ELOVL7: variants seen among roughly 807,000 people sequenced by gnomAD.
The protein encoded by ELOVL7 is very long chain fatty acid elongase 7.
ELOVL7 carries 27 observed loss-of-function variants against 35.7 expected under a neutral mutation model. The ratio of observed to expected loss-of-function variants is 0.76; its 90% CI spans 0.56 to 1.04. The LOEUF (loss-of-function observed/expected upper bound fraction) is 1.04, where lower values mean the gene tolerates loss of function less well. ELOVL7 is among the 50% of genes least tolerant of loss of function. The pLI is 0.00. For synonymous variants in ELOVL7, 113 were observed against 114.6 expected (o/e 0.99, Z 0.09); for missense variants, 327 against 340.8 (o/e 0.96, Z 0.32).
At chr5:60,795,482 T>C (rs1744196361) in intron 2 of ELOVL7, among the ~76,000 whole-genome samples, 1 of 152,178 alleles carries the variant, frequency 6.6e-6, no homozygotes, top group Admixed American at 6.5e-5. Flanking sequence ...ACCCCAGGCA[T>C]TCCAGCAGGG....
intron 1 of ELOVL7, among the ~76,000 whole-genome samples, chr5:60,829,782 G>T (rs1746375174): frequency 6.6e-6 from 1 of 152,158 alleles, no homozygotes; most frequent in East Asian, 1.9e-4. Context: ...GGTATTTCTG[G>T]AAATGTGACA....
intron 8 of ELOVL7, among the ~76,000 whole-genome samples, chr5:60,755,532 C>T (rs1741489759): frequency 2.6e-5 from 4 of 152,142 alleles, no homozygotes; most frequent in Admixed American, 2.0e-4. Context: ...TGGTACGCGC[C>T]TGTAGTCCCA....
intron 1 of ELOVL7, among the ~76,000 whole-genome samples, chr5:60,805,974 T>C (rs535933858): frequency 6.6e-6 from 1 of 152,330 alleles, no homozygotes; most frequent in Non-Finnish European, 1.5e-5. Flanking sequence ...TATGTTAAAG[T>C]CCTAACCTCC....
intron 4 of ELOVL7, among the ~76,000 whole-genome samples, chr5:60,770,996 G>A (rs1742550982): frequency 6.6e-6 from 1 of 152,204 alleles, no homozygotes; most frequent in African/African-American, 2.4e-5. Flanking sequence ...CACCACACCT[G>A]GCCAGCCACA....
chr5:60,797,868 A>G (rs1283354437), intron 2 of ELOVL7, among the ~76,000 whole-genome samples: 1 of 152,228 alleles, frequency 6.6e-6, no homozygotes, highest in African/African-American at 2.4e-5. Flanking sequence ...CCTGCCCCCA[A>G]TTCTTTTCAA....
chr5:60,796,358 G>C (rs1744262223), intron 2 of ELOVL7, among the ~76,000 whole-genome samples: 1 of 152,194 alleles, frequency 6.6e-6, no homozygotes, highest in South Asian at 2.1e-4. Context: ...TTTAAAGCAG[G>C]ATTTCTCAAC....
At chr5:60,820,300 A>G (rs1207135694) in intron 1 of ELOVL7, among the ~76,000 whole-genome samples, 1 of 152,266 alleles carries the variant, frequency 6.6e-6, no homozygotes, top group African/African-American at 2.4e-5. Context: ...GGCCTTGTGA[A>G]ACACAGAGCA....
intron 2 of ELOVL7, among the ~76,000 whole-genome samples, chr5:60,789,099 A>C (rs1054970746): frequency 6.6e-6 from 1 of 152,250 alleles, no homozygotes; most frequent in Admixed American, 6.5e-5. Flanking sequence ...ACTAGATGAC[A>C]TAGTAGAAGA....
intron 1 of ELOVL7, among the ~76,000 whole-genome samples, chr5:60,812,171 G>T (rs532001039): frequency 6.6e-6 from 1 of 152,282 alleles, no homozygotes; most frequent in Admixed American, 6.5e-5. Flanking sequence ...AGTGAGCAAT[G>T]ATTGTGCCAC....
At chr5:60,784,353 C>T (rs191362078) in intron 3 of ELOVL7, 18 of 424,580 alleles carry the variant, frequency 4.2e-5, no homozygotes, top group East Asian at 3.5e-4. Flanking sequence ...TCTAATCAAA[C>T]GCAAGGAAAG....
At chr5:60,817,848 G>GTATA (rs763735182) in intron 1 of ELOVL7, among the ~76,000 whole-genome samples, 1 of 143,212 alleles carries the variant, frequency 7.0e-6, no homozygotes, top group Admixed American at 6.9e-5. Flanking sequence ...GTGTGTGTGT[G>GTATA]TATATATATA....
At chr5:60,805,397 G>T (rs555687745) in intron 1 of ELOVL7, among the ~76,000 whole-genome samples, 1 of 152,292 alleles carries the variant, frequency 6.6e-6, no homozygotes, top group East Asian at 1.9e-4. Context: ...GACAGGAAAG[G>T]TAGATTACAG....
chr5:60,786,200 T>G (rs1743573634), intron 3 of ELOVL7: 1 of 152,240 alleles, frequency 6.6e-6, no homozygotes. Context: ...TTTCTTCAAC[T>G]GTAAAATGAG....
In ELOVL7 at chr5:60,754,537, AT is replaced by A; in HGVS notation, c.*86del. 1 of 1,219,824 alleles carries A rather than the reference AT, an allele frequency of 8.2e-7. No homozygotes were observed. The highest frequency in any genetic ancestry group is 1.2e-6 in the Non-Finnish European group (1 of 861,688). 75.6% of individuals were successfully genotyped at this position (1,219,824 alleles called of 1,614,324 possible). A position where few individuals can be genotyped will look rare whatever the true frequency, so the allele number is the denominator to read the frequency against. On this transcript the variant is annotated 3_prime_UTR_variant, in exon 9 of 9. Transcript: ENST00000508821. The stretch of plus-strand genomic sequence containing the variant: ...AAATACAAGCTCTTAGTTTTGAAAA[AT>A]ATACAAAATGCACTGCATAGGTAAA...
At chr5:60,825,985 G>C (rs528022389) in intron 1 of ELOVL7, among the ~76,000 whole-genome samples, 13 of 152,364 alleles carry the variant, frequency 8.5e-5, no homozygotes, top group Admixed American at 5.9e-4. Context: ...ATCTGGGGAA[G>C]GAATGCCCAG....
At chr5:60,819,020 A>G (rs866443369) in intron 1 of ELOVL7, among the ~76,000 whole-genome samples, 129 of 78,562 alleles carry the variant, frequency 1.6e-3, no homozygotes, top group African/African-American at 5.1e-3. Flanking sequence ...AGAGAAGAGG[A>G]GAGGGGAGGG....
intron 1 of ELOVL7, among the ~76,000 whole-genome samples, chr5:60,825,450 C>G (rs1237341484): frequency 2.0e-5 from 3 of 152,176 alleles, no homozygotes; most frequent in African/African-American, 7.2e-5. Flanking sequence ...TGTATTTCAC[C>G]AATATTCTAA....
intron 7 of ELOVL7, among the ~76,000 whole-genome samples, chr5:60,760,121 C>A (rs1420865772): frequency 6.6e-6 from 1 of 152,122 alleles, no homozygotes; most frequent in Non-Finnish European, 1.5e-5. Context: ...GTCTTTATAG[C>A]AGCATGATTT....
chr5:60,781,286 G>T (rs1312929613), intron 3 of ELOVL7, among the ~76,000 whole-genome samples: 2 of 151,492 alleles, frequency 1.3e-5, no homozygotes, highest in African/African-American at 4.8e-5. Context: ...CACCACCTTT[G>T]CATGGTGGGA....
Sources: gnomAD v4.1 joint callset for allele counts (sites outside exome capture counted in the v4.1 genomes callset) on GRCh38, gnomAD v4.1.1 for gene constraint, MANE v1.5 for transcripts, NCBI Gene and HGNC (gene_info 2026-07-23, HGNC 2026-07-21) for gene names.